The following LRP1B variants were observed in gnomAD, a reference collection of about 807,000 sequenced individuals.
The protein encoded by LRP1B is low-density lipoprotein receptor-related protein 1B.
In LRP1B, 217 loss-of-function variants were observed where a neutral mutation model predicts 556.6. The ratio of observed to expected loss-of-function variants is 0.39; its 90% CI spans 0.35 to 0.44. The LOEUF (loss-of-function observed/expected upper bound fraction) is 0.44, where lower values mean the gene tolerates loss of function less well. Ranked by LOEUF, LRP1B falls within the 20% of genes least tolerant of loss-of-function variation. The pLI is 1.00. For synonymous variants in LRP1B, 2,047 were observed against 1,865.8 expected (o/e 1.10, Z -2.50); for missense variants, 5,053 against 5,620.8 (o/e 0.90, Z 3.23).
intron 2 of LRP1B, among the ~76,000 whole-genome samples, chr2:141,708,425 T>C (rs1692232109): frequency 1.3e-5 from 2 of 151,962 alleles, no homozygotes; most frequent in South Asian, 4.2e-4. Flanking sequence ...TAGGAGGTCT[T>C]GAGAGCAGGA....
intron 41 of LRP1B, among the ~76,000 whole-genome samples, chr2:140,606,289 C>T (rs893076741): frequency 6.6e-6 from 1 of 151,644 alleles, no homozygotes; most frequent in Non-Finnish European, 1.5e-5. Context: ...ATATAGAATA[C>T]TTAGAAATAA....
chr2:140,678,734 T>G (rs887978022), intron 41 of LRP1B, among the ~76,000 whole-genome samples: 1 of 151,532 alleles, frequency 6.6e-6, no homozygotes, highest in Non-Finnish European at 1.5e-5. Context: ...AACCAAGGTG[T>G]TGGCAAGTGT....
At chr2:141,041,867 T>A (rs149304934) in intron 11 of LRP1B, among the ~76,000 whole-genome samples, 156 of 152,212 alleles carry the variant, frequency 1.0e-3, no homozygotes, top group Admixed American at 7.9e-3. Flanking sequence ...TATGTACAAT[T>A]ATTATGTGTC....
intron 41 of LRP1B, among the ~76,000 whole-genome samples, chr2:140,606,524 A>G (rs1173402713): frequency 6.6e-6 from 1 of 152,056 alleles, no homozygotes; most frequent in Non-Finnish European, 1.5e-5. Context: ...TAAAATGCAT[A>G]TGGAAATACA....
At chr2:141,066,258 C>A (rs1166911090) in intron 7 of LRP1B, among the ~76,000 whole-genome samples, 1 of 151,944 alleles carries the variant, frequency 6.6e-6, no homozygotes, top group Non-Finnish European at 1.5e-5. Context: ...CATCATTATC[C>A]CGTCAGATAT....
intron 1 of LRP1B, among the ~76,000 whole-genome samples, chr2:141,822,130 C>CACACACAGAGAGAG (rs374369026): frequency 4.6e-4 from 44 of 95,888 alleles, no homozygotes; most frequent in African/African-American, 1.9e-3. Flanking sequence ...CACACACACA[C>CACACACAGAGAGAG]AGAGAGAGAG....
rs1476752656 is a variant in LRP1B, at chr2:141,254,570, A to T, written c.415T>A (p.Tyr139Asn). 6.2e-7 allele frequency: 1 copy of T among 1,611,918 alleles called. No homozygotes were observed. Residue 139 changes from tyrosine to asparagine, a missense_variant, in exon 4 of 91, where the codon TAC (tyrosine) becomes AAC (asparagine). Tyr to Asn is a moderately radical substitution (Grantham distance 143). This residue lies in a region of LRP1B where 3,619 missense variants were observed against 3,931.9 expected (regional missense o/e 0.92). Transcript: ENST00000389484. ...GTTATTTCGAATCCATCCTCACAGT[A>T]ACATCTTGTACTATTTCTGACCATT... Reference protein sequence around the residue: ...CTMVRNSTRCYCEDGFEITED... With the variant: ...CTMVRNSTRCNCEDGFEITED...
intron 77 of LRP1B, among the ~76,000 whole-genome samples, chr2:140,347,943 T>A (rs189362762): frequency 3.0e-4 from 45 of 152,164 alleles, no homozygotes; most frequent in African/African-American, 9.9e-4. Context: ...CGTGTTTACA[T>A]GGCACAAGTG....
At chr2:141,946,473 GAA>G (rs1163457321) in intron 1 of LRP1B, among the ~76,000 whole-genome samples, 1 of 152,152 alleles carries the variant, frequency 6.6e-6, no homozygotes, top group East Asian at 1.9e-4. Flanking sequence ...GCAAATAGAA[GAA>G]AGTCTAGGTA....
At chr2:141,245,866 C>T (rs1054229230) in intron 5 of LRP1B, among the ~76,000 whole-genome samples, 2 of 152,098 alleles carry the variant, frequency 1.3e-5, no homozygotes, top group Non-Finnish European at 2.9e-5. Context: ...CAAGTTTATT[C>T]TCTCTTTCCT....
intron 2 of LRP1B, among the ~76,000 whole-genome samples, chr2:141,566,284 A>G (rs1686329186): frequency 6.6e-6 from 1 of 152,174 alleles, no homozygotes; most frequent in Non-Finnish European, 1.5e-5. Context: ...AAGCTGTCAA[A>G]GAGAAGAAAT....
At chr2:140,389,858 T>C (rs548102033) in intron 66 of LRP1B, among the ~76,000 whole-genome samples, 1 of 151,958 alleles carries the variant, frequency 6.6e-6, no homozygotes, top group African/African-American at 2.4e-5. Context: ...CTGGGCGTGG[T>C]GGTGGCTCAC....
chr2:140,431,802 C>T (rs963638084), intron 66 of LRP1B, among the ~76,000 whole-genome samples: 5 of 152,074 alleles, frequency 3.3e-5, no homozygotes, highest in African/African-American at 1.2e-4. Flanking sequence ...CAATATCACC[C>T]CTTACCACAA....
rs137895269 is a variant in LRP1B, at chr2:140,264,759, AAATTT to A, written c.13247+5478_13247+5482del. On this transcript the variant is annotated intron_variant, in intron 86 of 90. Transcript: ENST00000389484. ...GTGTGTGTATATAATTTTCCCACTG[AAATTT>A]AATTTATTTAGTTTGAGATGTTAAG... Among the ~76,000 whole-genome samples the A allele has an allele frequency of 2.9e-3, 442 of 150,620 alleles. 3 individuals carry two copies. The highest frequency in any genetic ancestry group is 0.01 in the African/African-American group (410 of 40,850).
intron 1 of LRP1B, among the ~76,000 whole-genome samples, chr2:141,939,776 T>A (rs1700742056): frequency 6.6e-6 from 1 of 152,100 alleles, no homozygotes; most frequent in Admixed American, 6.5e-5. Context: ...AAATCAGCAT[T>A]GTTAGGTGGA....
intron 1 of LRP1B, among the ~76,000 whole-genome samples, chr2:142,060,082 T>A (rs1352135259): frequency 2.6e-5 from 4 of 152,114 alleles, no homozygotes; most frequent in Admixed American, 2.6e-4. Flanking sequence ...AATTTCAGGA[T>A]GCATTTAAAA....
chr2:141,307,511 G>C (rs752376944), intron 3 of LRP1B, among the ~76,000 whole-genome samples: 1 of 152,052 alleles, frequency 6.6e-6, no homozygotes, highest in Non-Finnish European at 1.5e-5. Flanking sequence ...CAGATGAGAT[G>C]AGTCTCTTAT....
chr2:142,010,041 C>T (rs937230223), intron 1 of LRP1B, among the ~76,000 whole-genome samples: 2 of 152,026 alleles, frequency 1.3e-5, no homozygotes, highest in Non-Finnish European at 2.9e-5. Context: ...GGTTGTATAG[C>T]ATTTCCAAGG....
chr2:141,621,837 T>C (rs1574152255), intron 2 of LRP1B, among the ~76,000 whole-genome samples: 1 of 152,172 alleles, frequency 6.6e-6, no homozygotes, highest in South Asian at 2.1e-4. Context: ...GAAAAGTCGA[T>C]CCAAAAATAT....
Sources: allele counts gnomAD v4.1 joint callset (sites outside exome capture counted in the v4.1 genomes callset), GRCh38; gene constraint gnomAD v4.1.1; regional missense constraint gnomAD v4.1.1; transcripts MANE v1.5; gene names NCBI Gene and HGNC (gene_info 2026-07-23, HGNC 2026-07-21).